The following ATXN8OS variants were observed in gnomAD, a reference collection of about 807,000 sequenced individuals.
The protein encoded by ATXN8OS is ATXN8 opposite strand (non-protein coding).
intron 1 of ATXN8OS, among the ~76,000 whole-genome samples, chr13:70,112,613 C>CA (rs1456894268): frequency 6.6e-6 from 1 of 151,996 alleles, no homozygotes; most frequent in African/African-American, 2.4e-5. Context: ...CATTGATCCC[C>CA]AGGGGCCATT....
chr13:70,129,427 G>T (rs980836633), intron 2 of ATXN8OS, among the ~76,000 whole-genome samples: 1 of 151,444 alleles, frequency 6.6e-6, no homozygotes, highest in Non-Finnish European at 1.5e-5. Context: ...AATCGAAGAA[G>T]CTTGCTGGTA....
intron 4 of ATXN8OS, among the ~76,000 whole-genome samples, chr13:70,159,602 C>A (rs1051746592): frequency 2.0e-5 from 3 of 152,214 alleles, no homozygotes; most frequent in African/African-American, 7.2e-5. Context: ...GGGACATTAG[C>A]ATATGTATAC....
intron 3 of ATXN8OS, among the ~76,000 whole-genome samples, chr13:70,141,268 T>C (rs1888710727): frequency 6.6e-6 from 1 of 152,206 alleles, no homozygotes; most frequent in Non-Finnish European, 1.5e-5. Context: ...TGGAAATATG[T>C]TGTAATAAAT....
chr13:70,120,103 C>T (rs763026150), intron 2 of ATXN8OS, among the ~76,000 whole-genome samples: 1 of 152,070 alleles, frequency 6.6e-6, no homozygotes, highest in Non-Finnish European at 1.5e-5. Context: ...AGACATTGAA[C>T]TCCACATATT....
At chr13:70,124,612 T>C (rs1888402552) in intron 2 of ATXN8OS, among the ~76,000 whole-genome samples, 1 of 152,118 alleles carries the variant, frequency 6.6e-6, no homozygotes, top group Non-Finnish European at 1.5e-5. Context: ...AATGACTCAG[T>C]TAACTGTGAA....
At chr13:70,159,403 G>T (rs745428187) in intron 4 of ATXN8OS, among the ~76,000 whole-genome samples, 2 of 151,966 alleles carry the variant, frequency 1.3e-5, no homozygotes, top group African/African-American at 2.4e-5. Flanking sequence ...CTTTACAGAA[G>T]TAGTACTACT....
At chr13:70,122,794 T>C (rs1888380123) in intron 2 of ATXN8OS, among the ~76,000 whole-genome samples, 1 of 152,012 alleles carries the variant, frequency 6.6e-6, no homozygotes, top group Admixed American at 6.6e-5. Flanking sequence ...GATAGGCATT[T>C]GATCTTGGTT....
chr13:70,149,369 C>G (rs760499227), intron 4 of ATXN8OS, among the ~76,000 whole-genome samples: 4 of 151,990 alleles, frequency 2.6e-5, no homozygotes, highest in Non-Finnish European at 4.4e-5. Flanking sequence ...ATTGTAATAA[C>G]ATTAAATTAT....
intron 4 of ATXN8OS, among the ~76,000 whole-genome samples, chr13:70,159,384 A>C (rs2137503820): frequency 6.6e-6 from 1 of 152,178 alleles, no homozygotes; most frequent in South Asian, 2.1e-4. Flanking sequence ...GAGGACCTTT[A>C]GTATACTGCT....
At chr13:70,114,214 G>T (rs1221392706) in intron 1 of ATXN8OS, among the ~76,000 whole-genome samples, 1 of 152,132 alleles carries the variant, frequency 6.6e-6, no homozygotes, top group East Asian at 1.9e-4. Context: ...CAGTCCCAAA[G>T]AATATTACTT....
At position 70,132,810 on chromosome 13, in the gene ATXN8OS, G is replaced by A. The variant is rs2137484652; in HGVS notation, n.499+2926G>A. 1.3e-5 allele frequency among the ~76,000 whole-genome samples: 2 copies of A among 151,844 alleles called. 1 individual carries two copies. The highest frequency in any genetic ancestry group is 4.2e-4 in the South Asian group (2 of 4,812). ...GACTGTGCAACCTCTTCATATAAAT[G>A]TGCATATTAGTCAAGGGGCTGTATT... On this transcript the variant is annotated intron_variant and non_coding_transcript_variant, in intron 3 of 4. Coordinates refer to ENST00000678624, the Ensembl canonical transcript of ATXN8OS.
upstream of ATXN8OS, chr13:70,107,639 G>A (rs748421357): frequency 1.9e-6 from 3 of 1,557,542 alleles, no homozygotes; most frequent in Non-Finnish European, 1.7e-6. Context: ...TGGCTGAAGA[G>A]TTTCCAGCGG....
intron 3 of ATXN8OS, chr13:70,131,398 C>T (rs1888531777): frequency 5.0e-6 from 2 of 398,328 alleles, no homozygotes; most frequent in African/African-American, 4.1e-5. Flanking sequence ...ATGACCGTGA[C>T]ACGTATCTGT....
chr13:70,165,323 A>C (rs1203947392), intron 4 of ATXN8OS, among the ~76,000 whole-genome samples: 2 of 151,938 alleles, frequency 1.3e-5, no homozygotes, highest in African/African-American at 4.8e-5. Context: ...ATAGTGATGA[A>C]AATGAAAGAG....
At chr13:70,150,537 C>T (rs918363385) in intron 4 of ATXN8OS, among the ~76,000 whole-genome samples, 1 of 151,846 alleles carries the variant, frequency 6.6e-6, no homozygotes, top group African/African-American at 2.4e-5. Flanking sequence ...TGATGTAGAC[C>T]CAGCTCCCAA....
chr13:70,131,938 T>C, intron 3 of ATXN8OS, among the ~76,000 whole-genome samples: 1 of 152,174 alleles, frequency 6.6e-6, no homozygotes, highest in East Asian at 1.9e-4. Context: ...AAGATATGAA[T>C]ACAGATACAC....
intron 1 of ATXN8OS, among the ~76,000 whole-genome samples, chr13:70,113,152 C>T (rs1042175941): frequency 3.3e-5 from 5 of 151,736 alleles, no homozygotes; most frequent in South Asian, 2.1e-4. Flanking sequence ...AAACTCCTGA[C>T]GCTGTGATCC....
intron 3 of ATXN8OS, among the ~76,000 whole-genome samples, chr13:70,138,614 T>G (rs1036780115): frequency 2.6e-5 from 4 of 152,108 alleles, no homozygotes; most frequent in African/African-American, 9.7e-5. Flanking sequence ...CCAATAATAT[T>G]CATCATTTCA....
intron 4 of ATXN8OS, among the ~76,000 whole-genome samples, chr13:70,157,067 A>G (rs977833476): frequency 1.3e-5 from 2 of 152,198 alleles, no homozygotes; most frequent in South Asian, 2.1e-4. Context: ...TAATAAACCA[A>G]TGAAAATGCT....
Sources: allele counts gnomAD v4.1 joint callset (sites outside exome capture counted in the v4.1 genomes callset), GRCh38; gene constraint gnomAD v4.1.1; transcripts MANE v1.5; gene names NCBI Gene and HGNC (gene_info 2026-07-23, HGNC 2026-07-21).